The following ASTN2 variants were observed in gnomAD, a reference collection of about 807,000 sequenced individuals.
ASTN2 encodes the protein astrotactin-2.
A neutral mutation model predicts 139.8 loss-of-function variants in ASTN2; 54 were observed. The ratio of observed to expected loss-of-function variants is 0.39; its 90% CI spans 0.31 to 0.48. The LOEUF is 0.48. Ranked by LOEUF, ASTN2 falls within the 20% of genes least tolerant of loss-of-function variation. ASTN2 has a pLI of 0.95. For missense variants in ASTN2, 1,565 were observed against 1,725.1 expected, an observed-to-expected ratio of 0.91 and a Z score of 1.64; for synonymous variants, 756 against 719.5, an observed-to-expected ratio of 1.05 and a Z score of -0.81.
At position 117,314,349 on chromosome 9, in the gene ASTN2, G is replaced by C. The variant is rs74773137; in HGVS notation, c.443-22836C>G. ...GCAATGAAGACACAGGGTTCAGACA[G>C]TGAGTGCTCTTGGCCAAACCTGGAG... is the stretch of plus-strand genomic sequence containing the variant. On this transcript the variant is annotated intron_variant, in intron 1 of 22. Coordinates refer to ENST00000313400, the MANE Select transcript of ASTN2 (RefSeq NM_001365068.1). Among the ~76,000 whole-genome samples the C allele has an allele frequency of 3.1e-3, 471 of 152,138 alleles. 5 individuals carry two copies. Among genetic ancestry groups the C allele is most frequent in the African/African-American group, 0.011 (439 of 41,512 alleles).
intron 16 of ASTN2, among the ~76,000 whole-genome samples, chr9:116,682,300 G>A (rs1415070636): frequency 6.6e-6 from 1 of 152,196 alleles, no homozygotes; most frequent in Non-Finnish European, 1.5e-5. Flanking sequence ...GGCCATCAGA[G>A]AAATGCAAAT....
At chr9:116,848,760 C>G (rs1054288857) in intron 11 of ASTN2, among the ~76,000 whole-genome samples, 5 of 152,210 alleles carry the variant, frequency 3.3e-5, no homozygotes, top group African/African-American at 7.2e-5. Flanking sequence ...CAATTTCTCT[C>G]TGGCAGCAAC....
intron 19 of ASTN2, chr9:116,612,589 T>C (rs1855602253): frequency 6.6e-6 from 1 of 152,138 alleles, no homozygotes; most frequent in Non-Finnish European, 1.5e-5. Flanking sequence ...CTCAACTACA[T>C]GGAAACTGAA....
At chr9:116,720,098 C>T (rs983334510) in intron 16 of ASTN2, among the ~76,000 whole-genome samples, 1 of 152,070 alleles carries the variant, frequency 6.6e-6, no homozygotes, top group African/African-American at 2.4e-5. Flanking sequence ...AAAGAAAAGG[C>T]GACAGTTGAA....
chr9:116,748,679 A>G (rs1405771005), intron 13 of ASTN2, among the ~76,000 whole-genome samples: 1 of 152,180 alleles, frequency 6.6e-6, no homozygotes, highest in African/African-American at 2.4e-5. Context: ...CACTTGCCAG[A>G]TGAGTCCAAG....
chr9:117,142,612 T>A (rs568813161), intron 3 of ASTN2, among the ~76,000 whole-genome samples: 2 of 152,102 alleles, frequency 1.3e-5, no homozygotes, highest in South Asian at 4.2e-4. Context: ...TCCAAAAAAG[T>A]TTCAAAGTTG....
At chr9:117,122,786 T>C (rs1241415721) in intron 4 of ASTN2, among the ~76,000 whole-genome samples, 3 of 152,280 alleles carry the variant, frequency 2.0e-5, no homozygotes, top group South Asian at 4.2e-4. Flanking sequence ...AGAGACACTG[T>C]GGAACTTCCT....
chr9:116,645,265 G>A (rs1388243667), intron 17 of ASTN2, among the ~76,000 whole-genome samples: 1 of 152,152 alleles, frequency 6.6e-6, no homozygotes, highest in Non-Finnish European at 1.5e-5. Context: ...CAGTTGTGCT[G>A]AGCCAAGCTC....
chr9:117,310,711 A>C (rs1356183599), intron 1 of ASTN2, among the ~76,000 whole-genome samples: 1 of 152,084 alleles, frequency 6.6e-6, no homozygotes, highest in East Asian at 1.9e-4. Context: ...GACTCACTGC[A>C]GCCTGGACCT....
At chr9:117,388,882 T>G (rs1382135394) in intron 1 of ASTN2, among the ~76,000 whole-genome samples, 2 of 152,202 alleles carry the variant, frequency 1.3e-5, no homozygotes, top group Non-Finnish European at 2.9e-5. Context: ...GGGTCCTTCT[T>G]TATAAATATG....
chr9:116,633,401 C>A lies in ASTN2; in HGVS notation c.3073-12958G>T, dbSNP rs112425572. 4.9e-3 allele frequency among the ~76,000 whole-genome samples: 744 copies of A among 152,270 alleles called. 6 individuals carry two copies. Among genetic ancestry groups the A allele is most frequent in the African/African-American group, 0.017 (721 of 41,544 alleles). ...ACTGCCCAGTCCTGGAAGGGGAAAC[C>A]TGGCTGGAACTCACATACTTTTCCT... On this transcript the variant is annotated intron_variant, in intron 17 of 22. Transcript: ENST00000313400.
chr9:116,790,292 G>A (rs1830495840), intron 13 of ASTN2, among the ~76,000 whole-genome samples: 2 of 152,216 alleles, frequency 1.3e-5, no homozygotes, highest in Non-Finnish European at 2.9e-5. Context: ...GCACTGTTAT[G>A]TTCCCTGACT....
At chr9:117,311,810 G>T (rs1383566224) in intron 1 of ASTN2, among the ~76,000 whole-genome samples, 1 of 152,168 alleles carries the variant, frequency 6.6e-6, no homozygotes, top group African/African-American at 2.4e-5. Context: ...CACAGTAGAT[G>T]CTCATGAATG....
At chr9:117,063,590 AC>A (rs1465554517) in intron 5 of ASTN2, among the ~76,000 whole-genome samples, 1 of 152,188 alleles carries the variant, frequency 6.6e-6, no homozygotes, top group East Asian at 1.9e-4. Context: ...TGTATAAATT[AC>A]CAAGTCTAGG....
At chr9:116,943,610 A>C (rs769344501) in intron 10 of ASTN2, among the ~76,000 whole-genome samples, 3 of 152,174 alleles carry the variant, frequency 2.0e-5, no homozygotes, top group Non-Finnish European at 4.4e-5. Context: ...GGATGCATGT[A>C]GGATTGTGCA....
chr9:117,028,340 T>C (rs963619718), intron 6 of ASTN2, among the ~76,000 whole-genome samples: 4 of 152,174 alleles, frequency 2.6e-5, no homozygotes, highest in African/African-American at 9.7e-5. Flanking sequence ...GCTGCAGATA[T>C]ATTTGGCTTA....
At chr9:117,057,500 G>T (rs1839096754) in intron 5 of ASTN2, among the ~76,000 whole-genome samples, 1 of 152,188 alleles carries the variant, frequency 6.6e-6, no homozygotes, top group South Asian at 2.1e-4. Context: ...AAATTTATTT[G>T]TAAAATGCCC....
At chr9:116,621,441 G>GCACACACA (rs10547546) in intron 17 of ASTN2, among the ~76,000 whole-genome samples, 5 of 148,050 alleles carry the variant, frequency 3.4e-5, no homozygotes, top group African/African-American at 1.2e-4. Flanking sequence ...ACACATGCAC[G>GCACACACA]CACACACACA....
intron 3 of ASTN2, among the ~76,000 whole-genome samples, chr9:117,183,248 A>G (rs1415915228): frequency 6.6e-6 from 1 of 152,180 alleles, no homozygotes; most frequent in Non-Finnish European, 1.5e-5. Flanking sequence ...TCACGCCAGC[A>G]CTTTCACTGC....
Sources: allele counts gnomAD v4.1 joint callset (sites outside exome capture counted in the v4.1 genomes callset), GRCh38; gene constraint gnomAD v4.1.1; transcripts MANE v1.5; gene names NCBI Gene and HGNC (gene_info 2026-07-23, HGNC 2026-07-21).